SI: variants seen among roughly 807,000 people sequenced by gnomAD.
The protein encoded by SI is sucrase-isomaltase, intestinal.
A neutral mutation model predicts 253.3 loss-of-function variants in SI; 235 were observed. The ratio of observed to expected loss-of-function variants is 0.93; its 90% confidence interval spans 0.83 to 1.03. The LOEUF (loss-of-function observed/expected upper bound fraction) is 1.03, where lower values mean the gene tolerates loss of function less well. SI is among the 50% of genes least tolerant of loss of function. The pLI is 0.00. For synonymous variants in SI, 819 were observed against 712.0 expected (o/e 1.15, Z -2.39); for missense variants, 2,442 against 2,211.1 (o/e 1.10, Z -2.09).
intron 45 of SI, among the ~76,000 whole-genome samples, chr3:164,985,896 T>G (rs1294075996): frequency 6.6e-6 from 1 of 152,170 alleles, no homozygotes; most frequent in Non-Finnish European, 1.5e-5. Flanking sequence ...CCCAGGTGTT[T>G]CTGATAACAA....
At chr3:165,036,931 G>A (rs1202310891) in intron 21 of SI, among the ~76,000 whole-genome samples, 1 of 150,614 alleles carries the variant, frequency 6.6e-6, no homozygotes. Flanking sequence ...TAAATGAAAT[G>A]ATTATAACAG....
At chr3:165,049,310 C>T (rs1210008916) in intron 14 of SI, 66 bp from the exon 15 acceptor site, 4 of 874,450 alleles carry the variant, frequency 4.6e-6, no homozygotes, top group Admixed American at 4.0e-5. Flanking sequence ...TATTTTCCAT[C>T]ATAAATGTCA....
At position 165,017,481 on chromosome 3, in the gene SI, G is replaced by A. The variant is rs1719093512; in HGVS notation, c.3759+67C>T. 4 of 1,479,642 alleles carry A rather than the reference G, an allele frequency of 2.7e-6. 1 individual carries two copies. The Admixed American group carries it at 6.8e-5, about 25-fold the overall frequency. The allele number at this position is 1,479,642 out of a possible 1,614,324, so 91.7% of individuals were successfully genotyped here. A position where few individuals can be genotyped will look rare whatever the true frequency, so the allele number is the denominator to read the frequency against. Reference sequence around the variant, plus strand: ...CAGCTGCTTAAATTAAAGTATACATGTTTAATTATTTCATTCTACTTTTAC... The same window carrying A: ...CAGCTGCTTAAATTAAAGTATACATATTTAATTATTTCATTCTACTTTTAC... On this transcript the variant is annotated intron_variant, in intron 31 of 47. Transcript: ENST00000264382.
intron 18 of SI, 28 bp from the exon 19 acceptor site, chr3:165,039,999 T>C (rs1241650059): frequency 2.6e-6 from 4 of 1,547,068 alleles, no homozygotes; most frequent in East Asian, 4.5e-5. Flanking sequence ...GTTTAAAGTA[T>C]AATAATGAAA....
intron 16 of SI, among the ~76,000 whole-genome samples, chr3:165,045,405 T>C (rs1713049547): frequency 6.6e-6 from 1 of 152,098 alleles, no homozygotes; most frequent in African/African-American, 2.4e-5. Flanking sequence ...AGTTTATTAA[T>C]TGGTTGCTAT....
chr3:165,020,244 C>T (rs973329811), intron 27 of SI, among the ~76,000 whole-genome samples: 1 of 151,540 alleles, frequency 6.6e-6, no homozygotes, highest in Admixed American at 6.6e-5. Context: ...TATTACTACT[C>T]CCAATTGTGT....
At chr3:165,058,322 C>T (rs989634354) in intron 12 of SI, among the ~76,000 whole-genome samples, 1 of 151,570 alleles carries the variant, frequency 6.6e-6, no homozygotes, top group African/African-American at 2.4e-5. Flanking sequence ...CAGTAAGTAC[C>T]TACATCAAAA....
intron 44 of SI, 60 bp from the exon 45 acceptor site, chr3:164,987,286 G>T: frequency 7.4e-7 from 1 of 1,348,168 alleles, no homozygotes; most frequent in South Asian, 1.2e-5. Context: ...GTCTAGTTAT[G>T]ATATGACATC....
intron 3 of SI, among the ~76,000 whole-genome samples, chr3:165,073,350 T>C (rs992073475): frequency 4.6e-5 from 7 of 152,020 alleles, no homozygotes; most frequent in African/African-American, 1.7e-4. Flanking sequence ...AAAGAGAATA[T>C]CTGGCCACTT....
intron 13 of SI, among the ~76,000 whole-genome samples, chr3:165,051,424 C>T (rs1287307633): frequency 3.3e-5 from 5 of 151,900 alleles, no homozygotes; most frequent in Non-Finnish European, 7.4e-5. Flanking sequence ...ATATCTAAAG[C>T]TACATTGAGT....
intron 45 of SI, among the ~76,000 whole-genome samples, chr3:164,984,415 T>C (rs1431727826): frequency 1.3e-5 from 2 of 152,264 alleles, no homozygotes; most frequent in East Asian, 1.9e-4. Context: ...CATATTAGTG[T>C]CAATATTCCT....
In SI at chr3:165,063,506, A is replaced by G. The variant is rs1171309626; in HGVS notation, c.843T>C (p.Phe281=). 1 of 1,560,418 alleles carries G rather than the reference A, an allele frequency of 6.4e-7. No individual in the cohort carries two copies. The highest frequency in any genetic ancestry group is 2.3e-5 in the East Asian group (1 of 44,100). ...NNNLYGHQTF[F]MCIEDTSGKS... is the part of the protein sequence containing the mutation. Reference sequence around the variant, plus strand: ...TTCCAGATGTATCTTCAATACACATAAAGAATGTTTGATGGCCGTATAAAT... The same window carrying G: ...TTCCAGATGTATCTTCAATACACATGAAGAATGTTTGATGGCCGTATAAAT... Residue 281 remains phenylalanine, a synonymous_variant, in exon 8 of 48, where the codon TTT becomes TTC. Transcript: ENST00000264382.
At chr3:165,086,646 A>G in the SI span, among the ~76,000 whole-genome samples, 3 of 152,158 alleles carry the variant, frequency 2.0e-5, no homozygotes, top group Non-Finnish European at 2.9e-5. Context: ...TCAAAATACA[A>G]CTTTCCTTGA....
chr3:165,049,176 A>G lies in SI; in HGVS notation c.1666T>C (p.Tyr556His). ...MDAVQNWGKQYDVHSLYGYSM... is the reference protein window; with the variant it reads ...MDAVQNWGKQHDVHSLYGYSM... ...TATCCATAGAGGCTATGAACATCAT[A>G]CTGTTTACCCCAGTTCTGCACAGCA... Residue 556 changes from tyrosine to histidine, a missense_variant, in exon 15 of 48, where the codon TAT becomes CAT. Physicochemically the swap from Tyr to His is moderately conservative, Grantham distance 83 (BLOSUM62 2). Transcript: ENST00000264382. 1 of 1,612,550 alleles carries G rather than the reference A, an allele frequency of 6.2e-7. No homozygotes were observed.
At chr3:165,020,253 G>A (rs1272543611) in intron 27 of SI, among the ~76,000 whole-genome samples, 1 of 151,366 alleles carries the variant, frequency 6.6e-6, no homozygotes, top group Non-Finnish European at 1.5e-5. Flanking sequence ...TCCCAATTGT[G>A]TTTTTCTTCC....
intron 22 of SI, 130 bp from the exon 23 acceptor site, chr3:165,033,574 ATT>A: frequency 2.2e-6 from 2 of 928,170 alleles, no homozygotes; most frequent in Non-Finnish European, 2.8e-6. Flanking sequence ...TCCCAAACAG[ATT>A]TTGTTTTTAA....
chr3:165,064,601 T>A (rs1173978130), intron 7 of SI, among the ~76,000 whole-genome samples: 1 of 152,100 alleles, frequency 6.6e-6, no homozygotes, highest in Non-Finnish European at 1.5e-5. Context: ...TCTCACATTT[T>A]TTGAGCAACA....
At chr3:165,002,750 G>A (rs16848841) in intron 37 of SI, among the ~76,000 whole-genome samples, 35,731 of 151,434 alleles carry the variant, frequency 0.24, 6,995 homozygotes, top group African/African-American at 0.54. Flanking sequence ...TCCGAGTTCA[G>A]CAGTTTTTTG....
chr3:165,061,300 CAG>C (rs1713973623), intron 9 of SI, among the ~76,000 whole-genome samples: 1 of 151,724 alleles, frequency 6.6e-6, no homozygotes, highest in African/African-American at 2.4e-5. Context: ...ATTGGAATAT[CAG>C]AGTGTTGTTT....
Sources: allele counts gnomAD v4.1 joint callset (sites outside exome capture counted in the v4.1 genomes callset), GRCh38; gene constraint gnomAD v4.1.1; transcripts MANE v1.5; gene names NCBI Gene and HGNC (gene_info 2026-07-23, HGNC 2026-07-21).